Variants in TEX2 observed in about 807,000 individuals in gnomAD.
TEX2 encodes testis expressed 2.
A neutral mutation model predicts 106.9 loss-of-function variants in TEX2; 53 were observed. The observed-to-expected ratio is 0.50, with a 90% CI of 0.40 to 0.62. The LOEUF (loss-of-function observed/expected upper bound fraction) is 0.62, where lower values mean the gene tolerates loss of function less well. Among genes scored for constraint, TEX2 ranks in the 20% least tolerant of loss-of-function variants. TEX2 has a pLI of 0.00. For synonymous variants in TEX2, 523 were observed against 534.8 expected (o/e 0.98, Z 0.30); for missense variants, 1,207 against 1,379.0 (o/e 0.88, Z 1.98).
intron 2 of TEX2, among the ~76,000 whole-genome samples, chr17:64,206,848 G>A (rs2032850907): frequency 6.6e-6 from 1 of 152,074 alleles, no homozygotes; most frequent in Non-Finnish European, 1.5e-5. Flanking sequence ...ACAGGCGTGA[G>A]CCATCACACC....
rs149772688 is a variant in TEX2 at position 64,160,881 on chromosome 17, G to C, written c.2724C>G (p.Leu908=). The part of the protein sequence containing the change: ...MSYNGSFLMT[L]ETKMNLTKLG... ...GTTTGGTCAAATTCATTTTGGTCTC[G>C]AGAGTCATCAGAAAGGACCCATTGT... Residue 908 remains leucine, a synonymous_variant, in exon 8 of 12, where the codon CTC becomes CTG. Coordinates refer to ENST00000584379, the MANE Select transcript of TEX2 (RefSeq NM_001288732.2). 1.9e-6 allele frequency: 3 copies of C among 1,614,040 alleles called. No homozygotes were observed. Among genetic ancestry groups the C allele is most frequent in the Non-Finnish European group, 2.5e-6 (3 of 1,179,992 alleles).
At chr17:64,172,930 T>C (rs1452199358) in intron 6 of TEX2, among the ~76,000 whole-genome samples, 1 of 152,222 alleles carries the variant, frequency 6.6e-6, no homozygotes, top group Non-Finnish European at 1.5e-5. Context: ...ATAGAATTAA[T>C]TCATCTATAT....
chr17:64,181,706 G>T (rs530275870), intron 5 of TEX2, among the ~76,000 whole-genome samples: 2 of 151,804 alleles, frequency 1.3e-5, no homozygotes, highest in Non-Finnish European at 2.9e-5. Context: ...AGTACAGACG[G>T]GGCTTCTCCA....
chr17:64,152,403 G>C lies in TEX2; in HGVS notation c.3140+542C>G, dbSNP rs145101727. Among the ~76,000 whole-genome samples the C allele has an allele frequency of 2.2e-3, 340 of 152,296 alleles. 2 individuals are homozygous for C. The highest frequency in any genetic ancestry group is 7.8e-3 in the African/African-American group (324 of 41,566). ...GATTTTAACATGCAGCTGGGGCTGA[G>C]AATCCAGTCCTCAGACACCAAATGC... is the stretch of plus-strand genomic sequence containing the variant. On this transcript the variant is annotated intron_variant, in intron 10 of 11. Transcript: ENST00000584379.
intron 4 of TEX2, among the ~76,000 whole-genome samples, chr17:64,192,981 C>G (rs116835679): frequency 6.6e-6 from 1 of 152,184 alleles, no homozygotes; most frequent in Non-Finnish European, 1.5e-5. Context: ...CTGACTCATA[C>G]GTGCCAGTTT....
chr17:64,191,105 T>C (rs1208973825), intron 4 of TEX2, among the ~76,000 whole-genome samples: 1 of 152,194 alleles, frequency 6.6e-6, no homozygotes, highest in Non-Finnish European at 1.5e-5. Flanking sequence ...AAACTTACCA[T>C]AAATATCTCA....
chr17:64,240,397 G>A (rs1018047152), intron 1 of TEX2, among the ~76,000 whole-genome samples: 4 of 152,198 alleles, frequency 2.6e-5, no homozygotes, highest in African/African-American at 7.2e-5. Context: ...CAAGGTGACT[G>A]AGGGGACACT....
chr17:64,235,184 A>G (rs1255458192), intron 1 of TEX2, among the ~76,000 whole-genome samples: 1 of 152,236 alleles, frequency 6.6e-6, no homozygotes, highest in Non-Finnish European at 1.5e-5. Context: ...CCAGGTAGGT[A>G]CTATCATCAT....
intron 1 of TEX2, among the ~76,000 whole-genome samples, chr17:64,235,102 A>G (rs1445367576): frequency 6.6e-6 from 1 of 152,226 alleles, no homozygotes; most frequent in Non-Finnish European, 1.5e-5. Flanking sequence ...ATCAACGTTT[A>G]TGACTGCCAG....
chr17:64,179,677 A>G (rs2031769635), intron 5 of TEX2, among the ~76,000 whole-genome samples: 1 of 152,094 alleles, frequency 6.6e-6, no homozygotes, highest in African/African-American at 2.4e-5. Context: ...ACGTTTTTCA[A>G]TCACATGTCA....
intron 1 of TEX2, among the ~76,000 whole-genome samples, chr17:64,235,876 T>C (rs980550213): frequency 6.6e-6 from 1 of 152,164 alleles, no homozygotes; most frequent in Admixed American, 6.5e-5. Context: ...GTTGGTTACA[T>C]TAGCCTAGGA....
chr17:64,191,817 C>CAAAAAAAAAAAAAAAAAAAA (rs58376086), intron 4 of TEX2, among the ~76,000 whole-genome samples: 1 of 119,902 alleles, frequency 8.3e-6, no homozygotes, highest in African/African-American at 3.7e-5. Context: ...GACTCCATCT[C>CAAAAAAAAAAAAAAAAAAAA]AAAAAAAAAA....
chr17:64,148,929 A>G lies in TEX2; in HGVS notation c.*40T>C. 1 of 1,612,504 alleles carries G rather than the reference A, an allele frequency of 6.2e-7. No homozygotes were observed. The highest frequency in any genetic ancestry group is 1.1e-5 in the South Asian group (1 of 90,910). ...TGGCGGCCAAGAACCCCACACATCC[A>G]GCTCGATGTCACAATATGGGGAACA... On this transcript the variant is annotated 3_prime_UTR_variant, in exon 12 of 12. Coordinates refer to ENST00000584379, the MANE Select transcript of TEX2 (RefSeq NM_001288732.2).
At chr17:64,252,892 T>C (rs2034117510) in intron 1 of TEX2, among the ~76,000 whole-genome samples, 2 of 151,838 alleles carry the variant, frequency 1.3e-5, no homozygotes, top group Admixed American at 1.3e-4. Context: ...GGGGGTGAGG[T>C]AGGGAGTACA....
rs2032045448 is a variant in TEX2, at chr17:64,185,640, G to C, written c.2424+2528C>G. On this transcript the variant is annotated intron_variant, in intron 5 of 11. Coordinates refer to ENST00000584379, the MANE Select transcript of TEX2 (RefSeq NM_001288732.2). The surrounding 1 kb of genome is among the most constrained non-coding windows in gnomAD (Gnocchi z 4.0). ...AAAAAAGAAAAAAAAAATTTCATCA[G>C]AGGCCAGGCACAGTGGCTCACGCTG... Among the ~76,000 whole-genome samples, 1 of 152,008 alleles carries C rather than the reference G, an allele frequency of 6.6e-6. No homozygotes were observed.
intron 5 of TEX2, among the ~76,000 whole-genome samples, chr17:64,180,937 A>ACC (rs1390147371): frequency 6.6e-5 from 10 of 152,084 alleles, no homozygotes; most frequent in Non-Finnish European, 1.5e-4. Flanking sequence ...TTTTGGCCGC[A>ACC]CCCAGTGTAC....
In TEX2 at chr17:64,195,800, A is replaced by G. The variant is rs79287464; in HGVS notation, c.1645-705T>C. Among the ~76,000 whole-genome samples the G allele has an allele frequency of 0.021, 3,200 of 152,342 alleles. 47 individuals carry two copies. Among genetic ancestry groups the G allele is most frequent in the Non-Finnish European group, 0.035 (2,364 of 68,044 alleles). Reference sequence around the variant, plus strand: ...AGAGCCAACACTGAAATGTATGACAAAAAATACATACACAAAAGCCTAATA... The same window carrying G: ...AGAGCCAACACTGAAATGTATGACAGAAAATACATACACAAAAGCCTAATA... On this transcript the variant is annotated intron_variant, in intron 2 of 11. Coordinates refer to ENST00000584379, the MANE Select transcript of TEX2 (RefSeq NM_001288732.2). This position sits in a 1 kb window ranked among gnomAD's most constrained non-coding sequence, Gnocchi z 4.1.
At chr17:64,152,303 G>A (rs2030395924) in intron 10 of TEX2, among the ~76,000 whole-genome samples, 2 of 152,142 alleles carry the variant, frequency 1.3e-5, no homozygotes, top group Admixed American at 6.5e-5. Context: ...TCTCAACCCT[G>A]GCTTCATCAC....
chr17:64,262,378 G>A (rs1334118675), intron 1 of TEX2, among the ~76,000 whole-genome samples: 1 of 152,096 alleles, frequency 6.6e-6, no homozygotes, highest in Non-Finnish European at 1.5e-5. Flanking sequence ...ACCCACTGAG[G>A]GGCTAAGTTT....
Sources: allele counts gnomAD v4.1 joint callset (sites outside exome capture counted in the v4.1 genomes callset), GRCh38; gene constraint gnomAD v4.1.1; non-coding constraint Gnocchi (gnomAD v3.1); transcripts MANE v1.5; gene names NCBI Gene and HGNC (gene_info 2026-07-23, HGNC 2026-07-21).